Variants in KSR2 observed in about 807,000 individuals in gnomAD.
KSR2 encodes kinase suppressor of ras 2.
In KSR2, 25 loss-of-function variants were observed where a neutral mutation model predicts 107.8. The ratio of observed to expected loss-of-function variants is 0.23; its 90% confidence interval spans 0.17 to 0.32. The LOEUF is 0.32. Among genes scored for constraint, KSR2 ranks in the 10% least tolerant of loss-of-function variants. The probability of loss-of-function intolerance (pLI) is 1.00; values close to 1 mark genes in which losing one functional copy is unlikely to be tolerated. For synonymous variants in KSR2, 480 were observed against 507.0 expected (o/e 0.95, Z 0.71); for missense variants, 887 against 1,268.9 (o/e 0.70, Z 4.57).
At chr12:117,502,271 C>T (rs1873426251) in intron 14 of KSR2, among the ~76,000 whole-genome samples, 1 of 152,154 alleles carries the variant, frequency 6.6e-6, no homozygotes, top group Admixed American at 6.5e-5. Context: ...GTGTAGGGGT[C>T]TTTGCATTTA....
chr12:117,939,653 A>G (rs771656494), intron 1 of KSR2, among the ~76,000 whole-genome samples: 4 of 152,164 alleles, frequency 2.6e-5, no homozygotes, highest in Non-Finnish European at 4.4e-5. Context: ...CGGAGGTTGC[A>G]GTGAGCCGAG....
rs536905684 is a variant in KSR2 at position 117,741,678 on chromosome 12, CAGAG to C, written c.986+19329_986+19332del. Among the ~76,000 whole-genome samples the C allele has an allele frequency of 1.3e-3, 203 of 152,112 alleles. 1 individual carries two copies. Among genetic ancestry groups the C allele is most frequent in the African/African-American group, 4.5e-3 (187 of 41,494 alleles). On this transcript the variant is annotated intron_variant, in intron 4 of 19. Coordinates refer to ENST00000339824, the MANE Select transcript of KSR2 (RefSeq NM_173598.6). ...GCTGATCTTAAACTCCTGGTCTTGA[CAGAG>C]AAAGACCTCAGTCTCTTAGAAAAAT... is the stretch of plus-strand genomic sequence containing the variant.
intron 17 of KSR2, among the ~76,000 whole-genome samples, chr12:117,474,852 T>C (rs1034992368): frequency 6.6e-6 from 1 of 152,218 alleles, no homozygotes; most frequent in Non-Finnish European, 1.5e-5. Flanking sequence ...AAACTCACTG[T>C]GTCTAAACCT....
chr12:117,664,966 C>T (rs928977585), intron 5 of KSR2, among the ~76,000 whole-genome samples: 3 of 152,220 alleles, frequency 2.0e-5, no homozygotes, highest in South Asian at 2.1e-4. Context: ...GTTTCCCAAA[C>T]GAACCTGCCT....
chr12:117,467,721 C>G (rs565025961), intron 19 of KSR2: 1 of 396,104 alleles, frequency 2.5e-6, no homozygotes, highest in Non-Finnish European at 4.9e-6. Context: ...TATGAGCAGA[C>G]TTTGATGTCC....
chr12:117,838,677 C>T (rs1026633563), intron 3 of KSR2, among the ~76,000 whole-genome samples: 1 of 152,184 alleles, frequency 6.6e-6, no homozygotes, highest in African/African-American at 2.4e-5. Context: ...CATTCACCCC[C>T]ACTACAGAGT....
chr12:117,775,643 G>A (rs1488263586), intron 3 of KSR2, among the ~76,000 whole-genome samples: 2 of 152,164 alleles, frequency 1.3e-5, no homozygotes, highest in African/African-American at 4.8e-5. Flanking sequence ...TAGGAAACGA[G>A]TACCCAGGGG....
At chr12:117,756,216 C>G (rs1593203334) in intron 4 of KSR2, among the ~76,000 whole-genome samples, 2 of 152,358 alleles carry the variant, frequency 1.3e-5, no homozygotes, top group South Asian at 4.1e-4. Context: ...GTAAATGAAA[C>G]AGTCTTATAT....
chr12:117,604,033 T>C (rs901671858), intron 5 of KSR2, among the ~76,000 whole-genome samples: 2 of 152,230 alleles, frequency 1.3e-5, no homozygotes, highest in African/African-American at 2.4e-5. Context: ...GGGGTTTCCA[T>C]GTCTTCTGCT....
intron 5 of KSR2, among the ~76,000 whole-genome samples, chr12:117,642,300 T>A (rs1457255742): frequency 6.6e-6 from 1 of 152,204 alleles, no homozygotes; most frequent in Non-Finnish European, 1.5e-5. Context: ...TCGTTGCCCA[T>A]CACAGCGGGT....
intron 1 of KSR2, among the ~76,000 whole-genome samples, chr12:117,902,212 A>G (rs956705602): frequency 2.0e-5 from 3 of 152,194 alleles, no homozygotes; most frequent in Admixed American, 6.5e-5. Flanking sequence ...TAATCCCAGA[A>G]CTTTGGGAGG....
At chr12:117,750,611 G>A (rs1888579031) in intron 4 of KSR2, among the ~76,000 whole-genome samples, 1 of 152,158 alleles carries the variant, frequency 6.6e-6, no homozygotes, top group Non-Finnish European at 1.5e-5. Flanking sequence ...TTCAGTTAAT[G>A]AGCATGGTAC....
intron 5 of KSR2, among the ~76,000 whole-genome samples, chr12:117,617,850 A>T (rs1054601013): frequency 5.9e-5 from 9 of 152,226 alleles, no homozygotes; most frequent in Admixed American, 4.6e-4. Context: ...GTTGCTTTAA[A>T]AAACCCAGAT....
chr12:117,715,983 G>A (rs1446427), intron 4 of KSR2, among the ~76,000 whole-genome samples: 27,518 of 152,002 alleles, frequency 0.18, 2,669 homozygotes, highest in Admixed American at 0.24. Context: ...CTATCCCCCC[G>A]ACACCTCCAC....
intron 4 of KSR2, among the ~76,000 whole-genome samples, chr12:117,748,664 G>A (rs1468016045): frequency 6.6e-6 from 1 of 152,174 alleles, no homozygotes; most frequent in Admixed American, 6.5e-5. Flanking sequence ...CAGCTATCAT[G>A]TATATTCTAA....
intron 14 of KSR2, among the ~76,000 whole-genome samples, chr12:117,520,011 T>G (rs1436791528): frequency 6.6e-6 from 1 of 152,154 alleles, no homozygotes; most frequent in Non-Finnish European, 1.5e-5. Flanking sequence ...AGCCCTGAAT[T>G]GTGATCAATT....
intron 1 of KSR2, among the ~76,000 whole-genome samples, chr12:117,889,167 C>T (rs1327391431): frequency 6.6e-6 from 1 of 152,102 alleles, no homozygotes; most frequent in Non-Finnish European, 1.5e-5. Flanking sequence ...ACGGTGTGCC[C>T]CTTCCGCAGC....
chr12:117,820,113 T>C (rs1001486469), intron 3 of KSR2, among the ~76,000 whole-genome samples: 1 of 152,216 alleles, frequency 6.6e-6, no homozygotes, highest in African/African-American at 2.4e-5. Flanking sequence ...AAAACCATTT[T>C]AATATCAAAA....
intron 14 of KSR2, among the ~76,000 whole-genome samples, chr12:117,520,253 A>G (rs944294115): frequency 7.5e-4 from 115 of 152,320 alleles, no homozygotes; most frequent in African/African-American, 2.7e-3. Context: ...TCACCTGTAA[A>G]ATAGGCACAA....
Sources: allele counts gnomAD v4.1 joint callset (sites outside exome capture counted in the v4.1 genomes callset), GRCh38; gene constraint gnomAD v4.1.1; transcripts MANE v1.5; gene names NCBI Gene and HGNC (gene_info 2026-07-23, HGNC 2026-07-21).